The following MTAP variants were observed in gnomAD, a reference collection of about 807,000 sequenced individuals.
The protein encoded by MTAP is S-methyl-5'-thioadenosine phosphorylase.
A neutral mutation model predicts 33.6 loss-of-function variants in MTAP; 33 were observed. The observed-to-expected ratio is 0.98, with a 90% CI of 0.74 to 1.31. The LOEUF is 1.31. MTAP is among the 40% of genes most tolerant of loss of function. MTAP has a pLI of 0.00. For missense variants in MTAP, 367 were observed against 360.0 expected (o/e 1.02, Z -0.16); for synonymous variants, 148 against 125.7 (o/e 1.18, Z -1.19).
intron 5 of MTAP, among the ~76,000 whole-genome samples, chr9:21,850,008 G>A (rs916895513): frequency 1.1e-4 from 16 of 152,202 alleles, no homozygotes; most frequent in South Asian, 4.1e-4. Context: ...TACCTCAAGG[G>A]TATATCAACT....
At chr9:21,940,530 A>C (rs1464217945), downstream of MTAP, among the ~76,000 whole-genome samples, 3 of 152,178 alleles carry the variant, frequency 2.0e-5, no homozygotes, top group Non-Finnish European at 2.9e-5. Flanking sequence ...CCTGAATTCT[A>C]ATTTCCTCCA....
chr9:21,812,659 A>G (rs989074659), intron 1 of MTAP, among the ~76,000 whole-genome samples: 1 of 152,180 alleles, frequency 6.6e-6, no homozygotes, highest in Non-Finnish European at 1.5e-5. Context: ...CCCCTCTGAG[A>G]TGATTCACTC....
At chr9:21,841,138 C>T (rs1825232828) in intron 5 of MTAP, among the ~76,000 whole-genome samples, 1 of 152,168 alleles carries the variant, frequency 6.6e-6, no homozygotes, top group Non-Finnish European at 1.5e-5. Flanking sequence ...CCTAACCCTG[C>T]CCCAACCTGA....
chr9:21,924,542 T>C (rs1005411664), intron 1 of MTAP, among the ~76,000 whole-genome samples: 21 of 152,226 alleles, frequency 1.4e-4, no homozygotes, highest in Admixed American at 2.6e-4. Flanking sequence ...CCCAGACCTT[T>C]GTTGGGCTTG....
chr9:21,829,797 CAT>C (rs900879574), intron 4 of MTAP, among the ~76,000 whole-genome samples: 6 of 152,194 alleles, frequency 3.9e-5, no homozygotes, highest in Admixed American at 6.5e-5. Flanking sequence ...TTAAGAAAGA[CAT>C]GTGGCTGATT....
In MTAP at chr9:21,806,422, A is replaced by G. The variant is rs181805916; in HGVS notation, c.33+3641A>G. ...TAAGGGGCCACGAGTGACTCCTTGGAGCCAAGGAGGGTGAGTGTAGGATTC... is the reference window on the plus strand; with the variant it reads ...TAAGGGGCCACGAGTGACTCCTTGGGGCCAAGGAGGGTGAGTGTAGGATTC... On this transcript the variant is annotated intron_variant, in intron 1 of 7. Transcript: ENST00000644715. 1.5e-3 allele frequency among the ~76,000 whole-genome samples: 225 copies of G among 152,140 alleles called. 5 individuals carry two copies. In the Middle Eastern group the frequency reaches 0.02, roughly 14 times the overall value.
intron 1 of MTAP, chr9:21,892,607 CAGATTTA>C (rs1818218222): frequency 6.6e-6 from 1 of 152,192 alleles, no homozygotes; most frequent in Admixed American, 6.5e-5. Flanking sequence ...CTGAAGCACT[CAGATTTA>C]TAAGACAAGT....
Position 21,905,978 on chromosome 9 carries a change from GAGTACCTT to G in MTAP, c.148-25029_148-25022del, listed in dbSNP as rs556774611. Among the ~76,000 whole-genome samples the G allele has an allele frequency of 6.6e-5, 10 of 152,320 alleles. No individual in the cohort carries two copies. The East Asian group carries it at 9.6e-4, about 15-fold the overall frequency. ...GGTATTTATTTTAGTTACATGGTAT[GAGTACCTT>G]CAAGCTGAGAAATTAACTGAATAAC... On this transcript the variant is annotated intron_variant, in intron 1 of 1. Coordinates refer to the MTAP transcript ENST00000577563.
At chr9:21,848,160 C>T (rs1825426716) in intron 5 of MTAP, among the ~76,000 whole-genome samples, 1 of 152,138 alleles carries the variant, frequency 6.6e-6, no homozygotes, top group Non-Finnish European at 1.5e-5. Flanking sequence ...AGGCAGTTGC[C>T]AGGCAAGATA....
intron 1 of MTAP, among the ~76,000 whole-genome samples, chr9:21,925,237 C>T (rs1439958821): frequency 6.6e-6 from 1 of 152,178 alleles, no homozygotes; most frequent in African/African-American, 2.4e-5. Flanking sequence ...CCACCACTTT[C>T]CTAGAGAGGC....
rs746830481 is a variant in MTAP at position 21,802,788 on chromosome 9, T to C, written c.33+7T>C. On this transcript the variant is annotated splice_region_variant and intron_variant, in intron 1 of 7. Coordinates refer to ENST00000644715, the MANE Select transcript of MTAP (RefSeq NM_002451.4). ...CACCACCACCGCCGTGAAGGTGAGA[T>C]GAGCCCTCCCAGCCGCAGCGGTTCG... 22 of 1,612,788 alleles carry C rather than the reference T, an allele frequency of 1.4e-5. No individual in the cohort carries two copies. The highest frequency in any genetic ancestry group is 1.7e-6 in the Non-Finnish European group (2 of 1,179,798).
At chr9:21,931,027 T>A (rs371711818) in exon 2 of MTAP, 1 of 763,832 alleles carries the variant, frequency 1.3e-6, no homozygotes, top group Admixed American at 1.7e-5. Context: ...TTCCAGATGA[T>A]CCTCAGTGAG....
At chr9:21,847,742 T>C (rs1031336455) in intron 5 of MTAP, among the ~76,000 whole-genome samples, 1 of 152,196 alleles carries the variant, frequency 6.6e-6, no homozygotes, top group Non-Finnish European at 1.5e-5. Context: ...CAGCAGCAGA[T>C]ACTGAGCCTC....
chr9:21,894,298 T>A (rs12345733), intron 1 of MTAP, among the ~76,000 whole-genome samples: 3,248 of 150,298 alleles, frequency 0.022, 119 homozygotes, highest in African/African-American at 0.073. Flanking sequence ...GCTAACATCA[T>A]ACTCAACAGG....
At chr9:21,878,486 A>T (rs1435289414) in intron 1 of MTAP, among the ~76,000 whole-genome samples, 1 of 151,606 alleles carries the variant, frequency 6.6e-6, no homozygotes, top group African/African-American at 2.4e-5. Context: ...TAAAATTTTT[A>T]TTCTATTTAT....
chr9:21,837,789 T>G, intron 4 of MTAP, 119 bp from the exon 5 acceptor site: 1 of 742,110 alleles, frequency 1.3e-6, no homozygotes, highest in Non-Finnish European at 2.3e-6. Context: ...CCAGAGGAAT[T>G]GAGTCTGGAG....
intron 4 of MTAP, among the ~76,000 whole-genome samples, chr9:21,836,423 A>AGAT (rs1825107506): frequency 1.3e-5 from 2 of 152,294 alleles, no homozygotes; most frequent in South Asian, 4.1e-4. Flanking sequence ...GATAGACAGG[A>AGAT]GATGGGCAGA....
At chr9:21,882,321 A>C (rs985404687) in intron 1 of MTAP, among the ~76,000 whole-genome samples, 3 of 151,988 alleles carry the variant, frequency 2.0e-5, no homozygotes, top group Non-Finnish European at 4.4e-5. Context: ...TGTACTTAAA[A>C]ATTGTTAGGA....
intron 1 of MTAP, among the ~76,000 whole-genome samples, chr9:21,912,186 C>A (rs185364488): frequency 6.6e-6 from 1 of 152,092 alleles, no homozygotes; most frequent in African/African-American, 2.4e-5. Context: ...GATTCACAGC[C>A]GAATTCTACC....
Sources: allele counts gnomAD v4.1 joint callset (sites outside exome capture counted in the v4.1 genomes callset), GRCh38; gene constraint gnomAD v4.1.1; transcripts MANE v1.5; gene names NCBI Gene and HGNC (gene_info 2026-07-23, HGNC 2026-07-21).